The following PSTPIP2 variants were observed in gnomAD, a reference collection of about 807,000 sequenced individuals.
PSTPIP2 encodes the protein proline-serine-threonine phosphatase interacting protein 2.
In PSTPIP2, 33 loss-of-function variants were observed where a neutral mutation model predicts 63.3. That is an observed-to-expected ratio of 0.52 (90% CI 0.40 to 0.70). PSTPIP2 has a LOEUF of 0.70. Ranked by LOEUF, PSTPIP2 falls within the 30% of genes least tolerant of loss-of-function variation. PSTPIP2 has a pLI of 0.00. For missense variants in PSTPIP2, 312 were observed against 400.7 expected, an observed-to-expected ratio of 0.78 and a Z score of 1.89; for synonymous variants, 125 against 132.7, an observed-to-expected ratio of 0.94 and a Z score of 0.40.
At chr18:46,059,777 C>T (rs1908923972) in intron 1 of PSTPIP2, among the ~76,000 whole-genome samples, 1 of 152,080 alleles carries the variant, frequency 6.6e-6, no homozygotes, top group Non-Finnish European at 1.5e-5. Flanking sequence ...ACCTGCAATA[C>T]CAGCACTTTG....
chr18:46,056,712 G>A (rs1183804947), intron 1 of PSTPIP2, among the ~76,000 whole-genome samples: 2 of 151,032 alleles, frequency 1.3e-5, no homozygotes, highest in Admixed American at 6.6e-5. Context: ...GGGCAGAAGA[G>A]TGAGACCCTG....
At position 46,019,677 on chromosome 18, in the gene PSTPIP2, G is replaced by A. The variant is rs141676340; in HGVS notation, c.213-3740C>T. On this transcript the variant is annotated intron_variant, in intron 3 of 14. Coordinates refer to ENST00000409746, the MANE Select transcript of PSTPIP2 (RefSeq NM_024430.4). ...TTACCCAGGTGTGGTGGCACGTGCC[G>A]GTAATCCCAGCTACTTGGGAAGCTG... 3.3e-3 allele frequency among the ~76,000 whole-genome samples: 501 copies of A among 152,104 alleles called. 8 individuals are homozygous for A. The highest frequency in any genetic ancestry group is 0.028 in the Admixed American group (429 of 15,280).
intron 3 of PSTPIP2, among the ~76,000 whole-genome samples, chr18:46,023,769 T>C (rs1907469698): frequency 6.6e-6 from 1 of 152,006 alleles, no homozygotes; most frequent in East Asian, 1.9e-4. Flanking sequence ...AGTCTATGTC[T>C]CTTCAGAGGT....
intron 2 of PSTPIP2, among the ~76,000 whole-genome samples, chr18:46,033,637 G>T (rs1228031246): frequency 6.6e-6 from 1 of 150,872 alleles, no homozygotes; most frequent in Admixed American, 6.6e-5. Context: ...GGTGGAGGTT[G>T]CAGTGAGCTG....
At chr18:46,025,947 G>C (rs1387373767) in intron 2 of PSTPIP2, among the ~76,000 whole-genome samples, 11 of 152,164 alleles carry the variant, frequency 7.2e-5, no homozygotes, top group Non-Finnish European at 1.6e-4. Context: ...TGGAGACAAA[G>C]TTTCACCATG....
intron 2 of PSTPIP2, among the ~76,000 whole-genome samples, chr18:46,038,253 A>G (rs1908054870): frequency 6.6e-6 from 1 of 152,180 alleles, no homozygotes; most frequent in Non-Finnish European, 1.5e-5. Context: ...GTCCTGTTTC[A>G]TTGTTTTATT....
intron 14 of PSTPIP2, 35 bp downstream of exon 14, chr18:45,988,667 C>T (rs374192051): frequency 6.6e-7 from 1 of 1,504,016 alleles, no homozygotes; most frequent in African/African-American, 1.4e-5. Flanking sequence ...CCAGTCTACA[C>T]ATGACTCAAT....
intron 1 of PSTPIP2, 61 bp downstream of exon 1, chr18:46,072,095 T>C: frequency 3.3e-6 from 5 of 1,508,016 alleles, no homozygotes; most frequent in Admixed American, 2.2e-5. Flanking sequence ...GCCCGCCGCG[T>C]TGGCCTCCCG....
chr18:46,043,012 T>C (rs912385219), intron 1 of PSTPIP2, among the ~76,000 whole-genome samples: 1 of 151,904 alleles, frequency 6.6e-6, no homozygotes, highest in African/African-American at 2.4e-5. Flanking sequence ...GGGAGGTCTG[T>C]GGTTTTGGTT....
chr18:45,997,458 G>A (rs1383819228), intron 9 of PSTPIP2, among the ~76,000 whole-genome samples: 1 of 152,088 alleles, frequency 6.6e-6, no homozygotes, highest in Non-Finnish European at 1.5e-5. Flanking sequence ...AAAGTGCTGG[G>A]ATTACAGGCA....
intron 3 of PSTPIP2, chr18:46,016,214 T>A: frequency 2.6e-6 from 1 of 388,158 alleles, no homozygotes; most frequent in Non-Finnish European, 4.8e-6. Flanking sequence ...GGAGTTATGA[T>A]CCTTTTCTCA....
At chr18:46,037,319 G>C (rs1056983228) in intron 2 of PSTPIP2, among the ~76,000 whole-genome samples, 15 of 151,952 alleles carry the variant, frequency 9.9e-5, no homozygotes, top group African/African-American at 3.4e-4. Flanking sequence ...AGCTAATTTT[G>C]CATTTTTAGT....
chr18:45,995,519 G>A (rs1599697801), intron 9 of PSTPIP2, among the ~76,000 whole-genome samples: 1 of 152,216 alleles, frequency 6.6e-6, no homozygotes, highest in Admixed American at 6.5e-5. Context: ...AGAGTGTGGA[G>A]TTACAGAAGT....
chr18:46,016,987 C>T (rs1270408420), intron 3 of PSTPIP2, among the ~76,000 whole-genome samples: 1 of 152,066 alleles, frequency 6.6e-6, no homozygotes, highest in Non-Finnish European at 1.5e-5. Context: ...CCATATGTGC[C>T]ATATTCTTTG....
intron 2 of PSTPIP2, chr18:46,028,545 T>C (rs16978516): frequency 0.22 from 152,160 of 695,052 alleles, 20,251 homozygotes; most frequent in East Asian, 0.45. Context: ...GCGGGGTCCG[T>C]GGGTTCAAGG....
chr18:46,046,358 C>A (rs1028685440), intron 1 of PSTPIP2, among the ~76,000 whole-genome samples: 1 of 152,220 alleles, frequency 6.6e-6, no homozygotes, highest in Admixed American at 6.5e-5. Flanking sequence ...ACATCTAGTT[C>A]TGTGCTGCAT....
At chr18:46,071,461 C>T (rs1477289446) in intron 1 of PSTPIP2, among the ~76,000 whole-genome samples, 1 of 152,152 alleles carries the variant, frequency 6.6e-6, no homozygotes, top group Non-Finnish European at 1.5e-5. Context: ...GCTGGCCCTA[C>T]CGGGCTGGGT....
intron 1 of PSTPIP2, among the ~76,000 whole-genome samples, chr18:46,064,689 C>T (rs1164012685): frequency 1.3e-5 from 2 of 151,930 alleles, no homozygotes; most frequent in Non-Finnish European, 2.9e-5. Flanking sequence ...GTGGAAAAGG[C>T]ATGAAATTAT....
At chr18:46,003,665 G>A (rs1045302751) in intron 6 of PSTPIP2, among the ~76,000 whole-genome samples, 1 of 151,692 alleles carries the variant, frequency 6.6e-6, no homozygotes, top group African/African-American at 2.4e-5. Flanking sequence ...GATAAATGAG[G>A]CAAAAAGAAA....
Sources: gnomAD v4.1 joint callset for allele counts (sites outside exome capture counted in the v4.1 genomes callset) on GRCh38, gnomAD v4.1.1 for gene constraint, MANE v1.5 for transcripts, NCBI Gene and HGNC (gene_info 2026-07-23, HGNC 2026-07-21) for gene names.